The following POLR2F variants were observed in gnomAD, a reference collection of about 807,000 sequenced individuals.
POLR2F encodes DNA-directed RNA polymerases I, II, and III subunit RPABC2.
POLR2F carries 12 observed loss-of-function variants against 22.7 expected under a neutral mutation model. The ratio of observed to expected loss-of-function variants is 0.53; its 90% CI spans 0.34 to 0.86. The LOEUF (loss-of-function observed/expected upper bound fraction) is 0.86. Ranked by LOEUF, POLR2F falls within the 40% of genes least tolerant of loss-of-function variation. POLR2F has a pLI of 0.02. For synonymous variants in POLR2F, 57 were observed against 66.0 expected (o/e 0.86, Z 0.66); for missense variants, 126 against 171.5 (o/e 0.73, Z 1.48).
chr22:38,004,196 A>G (rs1337582476), intron 1 of POLR2F, among the ~76,000 whole-genome samples: 2 of 151,434 alleles, frequency 1.3e-5, no homozygotes, highest in Non-Finnish European at 2.9e-5. Context: ...GTCTCACTAT[A>G]TTGCTCAGGC....
rs538977667 is a variant in POLR2F, at chr22:37,975,003, C to T, written c.293+7833C>T. ...CTCCTGAGCCCACCCTGCTTCCCAG[C>T]CCACTGGCAAGCCCTTAGCCCCGTC... On this transcript the variant is annotated intron_variant, in intron 4 of 4. Transcript: ENST00000405557. Among the ~76,000 whole-genome samples the T allele has an allele frequency of 1.8e-4, 28 of 152,332 alleles. 1 individual carries two copies. Among genetic ancestry groups the T allele is most frequent in the Admixed American group, 1.6e-3 (24 of 15,304 alleles).
At chr22:37,991,576 T>C (rs1932728828) in intron 1 of POLR2F, among the ~76,000 whole-genome samples, 2 of 152,252 alleles carry the variant, frequency 1.3e-5, no homozygotes, top group Admixed American at 1.3e-4. Context: ...TACCACCTAT[T>C]AACATCTTGT....
chr22:38,034,890 C>T (rs540753416), intron 5 of POLR2F, among the ~76,000 whole-genome samples: 30 of 152,142 alleles, frequency 2.0e-4, no homozygotes, highest in African/African-American at 6.5e-4. Flanking sequence ...GACCTGGGGC[C>T]GTGGCCTAGG....
At chr22:38,002,458 C>T (rs992663548) in intron 1 of POLR2F, among the ~76,000 whole-genome samples, 1 of 151,842 alleles carries the variant, frequency 6.6e-6, no homozygotes, top group South Asian at 2.1e-4. Context: ...CTGCAACCTC[C>T]GCCTCCCAGG....
At chr22:38,004,086 T>TA (rs1162797526) in intron 1 of POLR2F, among the ~76,000 whole-genome samples, 1 of 152,142 alleles carries the variant, frequency 6.6e-6, no homozygotes, top group Non-Finnish European at 1.5e-5. Flanking sequence ...GCTCCTCAGC[T>TA]AAAAAAATCC....
chr22:38,005,959 AC>A (rs1325272888), intron 1 of POLR2F, among the ~76,000 whole-genome samples: 1 of 152,246 alleles, frequency 6.6e-6, no homozygotes, highest in African/African-American at 2.4e-5. Flanking sequence ...GTGGTGGCTC[AC>A]GCTTGTAATC....
At chr22:38,037,596 CTT>C (rs34521431) in intron 5 of POLR2F, among the ~76,000 whole-genome samples, 141 of 140,640 alleles carry the variant, frequency 1.0e-3, no homozygotes, top group East Asian at 1.3e-3. Flanking sequence ...TTCCTATCTC[CTT>C]TTTTTTTTTT....
chr22:37,970,990 T>C, downstream of POLR2F: 1 of 272,870 alleles, frequency 3.7e-6, no homozygotes, highest in South Asian at 3.4e-5. Context: ...TTGAAGAGCT[T>C]CCATGATGCA....
chr22:38,032,964 G>A (rs1449874309), intron 5 of POLR2F: 1 of 165,716 alleles, frequency 6.0e-6, no homozygotes, highest in African/African-American at 2.5e-5. Flanking sequence ...CCCCCACACG[G>A]AGCATGACAT....
chr22:37,996,051 G>T (rs2084710747), intron 1 of POLR2F, among the ~76,000 whole-genome samples: 1 of 151,744 alleles, frequency 6.6e-6, no homozygotes, highest in South Asian at 2.1e-4. Flanking sequence ...GGCTGTCCAG[G>T]GCCTCTCACT....
At chr22:38,024,139 T>C (rs1401361482) in intron 1 of POLR2F, among the ~76,000 whole-genome samples, 2 of 152,074 alleles carry the variant, frequency 1.3e-5, no homozygotes, top group Non-Finnish European at 1.5e-5. Flanking sequence ...CCACAGCGCC[T>C]GGCCCTGTCT....
intron 1 of POLR2F, among the ~76,000 whole-genome samples, chr22:38,013,978 C>G (rs556387668): frequency 2.6e-5 from 4 of 151,804 alleles, no homozygotes; most frequent in African/African-American, 9.7e-5. Context: ...CAAAATTAGC[C>G]GGGCATGATG....
intron 1 of POLR2F, chr22:38,025,497 C>G: frequency 7.0e-7 from 1 of 1,420,036 alleles, no homozygotes; most frequent in Non-Finnish European, 9.2e-7. Context: ...CATTCACACT[C>G]ACAGTCCCAA....
At chr22:38,021,062 G>T (rs1016438859) in intron 1 of POLR2F, among the ~76,000 whole-genome samples, 2 of 152,202 alleles carry the variant, frequency 1.3e-5, no homozygotes, top group Non-Finnish European at 2.9e-5. Flanking sequence ...AAAGCATCCA[G>T]GGCACAGAGG....
Position 37,986,471 on chromosome 22 carries a change from C to A in POLR2F, c.120+159C>A. On this transcript the variant is annotated intron_variant, in intron 1 of 2. Transcript: ENST00000333418. This position sits in a 1 kb window ranked among gnomAD's most constrained non-coding sequence, Gnocchi z 4.7. ...AGAGTTAGGAGGTGGAATGTGGGGT[C>A]CCACAGCTGCCCCCTCTCTAACTCC... 6.9e-7 allele frequency: 1 copy of A among 1,448,748 alleles called. No homozygotes were observed. The highest frequency in any genetic ancestry group is 1.4e-5 in the African/African-American group (1 of 71,462). 89.7% of individuals were successfully genotyped at this position (1,448,748 alleles called of 1,614,324 possible). A position where few individuals can be genotyped will look rare whatever the true frequency, so the allele number is the denominator to read the frequency against.
At chr22:37,973,464 T>G (rs1479216275), downstream of POLR2F, 15 of 1,405,670 alleles carry the variant, frequency 1.1e-5, no homozygotes, top group Non-Finnish European at 1.2e-5. Context: ...GGGCAGGGGC[T>G]GGGCGGGGGG....
intron 5 of POLR2F, among the ~76,000 whole-genome samples, chr22:38,038,337 C>T (rs2085136177): frequency 6.6e-6 from 1 of 152,096 alleles, no homozygotes; most frequent in Non-Finnish European, 1.5e-5. Flanking sequence ...GTGGGCCAGG[C>T]CCCAGAGCTT....
chr22:38,011,401 A>T (rs555625826), intron 1 of POLR2F, among the ~76,000 whole-genome samples: 6 of 152,070 alleles, frequency 3.9e-5, no homozygotes, highest in Non-Finnish European at 8.8e-5. Context: ...CACGGCACCC[A>T]GCCTTGTGAT....
chr22:37,956,059 AT>A (rs1263622816), intron 1 of POLR2F, among the ~76,000 whole-genome samples: 6 of 143,824 alleles, frequency 4.2e-5, no homozygotes, highest in African/African-American at 8.0e-5. Flanking sequence ...GCCCTCTTTG[AT>A]TTTTTTTTTG....
Sources: allele counts gnomAD v4.1 joint callset (sites outside exome capture counted in the v4.1 genomes callset), GRCh38; gene constraint gnomAD v4.1.1; non-coding constraint Gnocchi (gnomAD v3.1); transcripts MANE v1.5; gene names NCBI Gene and HGNC (gene_info 2026-07-23, HGNC 2026-07-21).